The following EFCAB5 variants were observed in gnomAD, a reference collection of about 807,000 sequenced individuals.
The protein encoded by EFCAB5 is EF-hand calcium binding domain 5.
A neutral mutation model predicts 167.9 loss-of-function variants in EFCAB5; 131 were observed. The observed-to-expected ratio is 0.78, with a 90% CI of 0.68 to 0.90. The LOEUF (loss-of-function observed/expected upper bound fraction) is 0.90. Ranked by LOEUF, EFCAB5 falls within the 40% of genes least tolerant of loss-of-function variation. The probability of loss-of-function intolerance (pLI) is 0.00; values close to 1 mark genes in which losing one functional copy is unlikely to be tolerated. For synonymous variants in EFCAB5, 574 were observed against 602.8 expected, an observed-to-expected ratio of 0.95 and a Z score of 0.70; for missense variants, 1,663 against 1,745.2, an observed-to-expected ratio of 0.95 and a Z score of 0.84.
rs751988767 is a variant in EFCAB5, at chr17:30,059,616, T to G, written c.2652T>G (p.Asp884Glu). The change falls in exon 14 of 23, where the codon GAT (aspartate) becomes GAG (glutamate). Residue 884 changes from aspartate to glutamate, a missense_variant. Transcript: ENST00000394835. ...CCATCTTTCAGAAGTGGGACAGTGATGGCTCAGGCTTCCTGGATCTGAAGG... is the reference window on the plus strand; with the variant it reads ...CCATCTTTCAGAAGTGGGACAGTGAGGGCTCAGGCTTCCTGGATCTGAAGG... ...LEAIFQKWDS[D>E]GSGFLDLKEV... 1.7e-5 allele frequency: 27 copies of G among 1,612,376 alleles called. No homozygotes were observed. The highest frequency in any genetic ancestry group is 2.3e-5 in the Non-Finnish European group (27 of 1,178,764).
intron 7 of EFCAB5, among the ~76,000 whole-genome samples, chr17:30,005,172 T>C (rs1218609445): frequency 3.3e-5 from 5 of 152,158 alleles, no homozygotes; most frequent in African/African-American, 7.2e-5. Flanking sequence ...CAGCAATGCA[T>C]GATGGCTCTC....
chr17:30,069,776 AG>A (rs2070682424), intron 14 of EFCAB5: 3 of 660,870 alleles, frequency 4.5e-6, no homozygotes, highest in Non-Finnish European at 7.8e-6. Flanking sequence ...TTTAAGAGAA[AG>A]GGGTTCAGAC....
rs2067465792 is a variant in EFCAB5, at chr17:29,949,476, G to A, written c.190+5827G>A. Among the ~76,000 whole-genome samples, 4 of 152,218 alleles carry A rather than the reference G, an allele frequency of 2.6e-5. No individual in the cohort carries two copies. The South Asian group carries it at 8.3e-4, about 31-fold the overall frequency. Reference sequence around the variant, plus strand: ...AAAGAATTCCAGTGCCTGGCACGCAGTGAGAAATTAATAGTTATTTATTGA... The same window carrying A: ...AAAGAATTCCAGTGCCTGGCACGCAATGAGAAATTAATAGTTATTTATTGA... On this transcript the variant is annotated intron_variant, in intron 3 of 22. Coordinates refer to ENST00000394835, the MANE Select transcript of EFCAB5 (RefSeq NM_198529.4).
At position 29,957,039 on chromosome 17, in the gene EFCAB5, G is replaced by A. The variant is rs114370711; in HGVS notation, c.191-11752G>A. On this transcript the variant is annotated intron_variant, in intron 3 of 22. Coordinates refer to ENST00000394835, the MANE Select transcript of EFCAB5 (RefSeq NM_198529.4). ...CCTTATTTTGCTCCAGATTTTAGAGGAAAAGCTGTCATTTTTTTTCCATTC... is the reference window on the plus strand; with the variant it reads ...CCTTATTTTGCTCCAGATTTTAGAGAAAAAGCTGTCATTTTTTTTCCATTC... 4.3e-3 allele frequency among the ~76,000 whole-genome samples: 649 copies of A among 152,222 alleles called. 3 individuals are homozygous for A. Among genetic ancestry groups the A allele is most frequent in the African/African-American group, 0.014 (598 of 41,538 alleles).
chr17:30,057,986 T>C, intron 13 of EFCAB5, 96 bp downstream of exon 13: 2 of 1,093,166 alleles, frequency 1.8e-6, no homozygotes, highest in Admixed American at 2.4e-5. Context: ...TGTTAAAAAA[T>C]GTACAACCAA....
At chr17:29,982,397 A>G (rs534420124) in intron 4 of EFCAB5, among the ~76,000 whole-genome samples, 18 of 152,188 alleles carry the variant, frequency 1.2e-4, no homozygotes, top group Non-Finnish European at 1.8e-4. Context: ...TCTCAAAAAA[A>G]AAAGAAAGAA....
intron 16 of EFCAB5, among the ~76,000 whole-genome samples, chr17:30,080,457 G>A (rs964440851): frequency 3.3e-5 from 5 of 152,006 alleles, no homozygotes; most frequent in South Asian, 2.1e-4. Context: ...GGGACTCTGC[G>A]TCACAATATC....
intron 3 of EFCAB5, among the ~76,000 whole-genome samples, chr17:29,960,225 G>A (rs545593456): frequency 1.3e-5 from 2 of 152,244 alleles, no homozygotes; most frequent in South Asian, 2.1e-4. Flanking sequence ...GGTGGTATAC[G>A]CATTTCAAGA....
Position 29,993,337 on chromosome 17 carries a change from G to C in EFCAB5, c.924+16G>C. 6.2e-7 allele frequency: 1 copy of C among 1,604,870 alleles called. No homozygotes were observed. The highest frequency in any genetic ancestry group is 1.1e-5 in the South Asian group (1 of 89,616). On this transcript the variant is annotated intron_variant, in intron 5 of 22. Transcript: ENST00000394835. ...TAAGTCAGTGGTAAGAAAATTGGGG[G>C]TATATGTGAAAGGTAGGTGGGGTAA...
intron 12 of EFCAB5, 79 bp downstream of exon 12, chr17:30,056,235 G>C (rs1233316715): frequency 1.1e-5 from 15 of 1,350,010 alleles, no homozygotes; most frequent in African/African-American, 1.5e-5. Flanking sequence ...CGATGATAAA[G>C]ACTGAATTTA....
intron 19 of EFCAB5, among the ~76,000 whole-genome samples, chr17:30,088,789 T>C (rs1046955095): frequency 6.6e-6 from 1 of 152,254 alleles, no homozygotes; most frequent in Non-Finnish European, 1.5e-5. Context: ...CAACATTTAA[T>C]TACATATGTC....
At chr17:29,994,181 A>C (rs1179014844) in intron 5 of EFCAB5, among the ~76,000 whole-genome samples, 2 of 111,444 alleles carry the variant, frequency 1.8e-5, no homozygotes, top group Non-Finnish European at 4.0e-5. Flanking sequence ...TATATATGTG[A>C]TATATATATC....
chr17:29,999,425 G>A (rs1265486687), intron 6 of EFCAB5, among the ~76,000 whole-genome samples: 1 of 152,048 alleles, frequency 6.6e-6, no homozygotes, highest in Non-Finnish European at 1.5e-5. Context: ...CTGATGGGAG[G>A]TAGAGAAAAA....
chr17:30,042,338 AC>A (rs915918238), intron 8 of EFCAB5, among the ~76,000 whole-genome samples: 2 of 152,048 alleles, frequency 1.3e-5, no homozygotes, highest in African/African-American at 2.4e-5. Flanking sequence ...GCACTAACAA[AC>A]CAAAGCGAAT....
intron 6 of EFCAB5, among the ~76,000 whole-genome samples, chr17:29,998,804 G>C (rs2068599268): frequency 1.3e-5 from 2 of 152,180 alleles, no homozygotes. Flanking sequence ...GAGGAAGCCA[G>C]TGTATAGTTC....
At chr17:30,056,426 G>T (rs2070269695) in intron 12 of EFCAB5, among the ~76,000 whole-genome samples, 1 of 152,056 alleles carries the variant, frequency 6.6e-6, no homozygotes, top group Non-Finnish European at 1.5e-5. Flanking sequence ...CCATGATATG[G>T]CCCTACCACT....
At chr17:29,944,855 T>G (rs1426224061) in intron 3 of EFCAB5, among the ~76,000 whole-genome samples, 1 of 152,100 alleles carries the variant, frequency 6.6e-6, no homozygotes, top group Non-Finnish European at 1.5e-5. Context: ...ACTCCCAACC[T>G]CAGGTGATCT....
intron 5 of EFCAB5, among the ~76,000 whole-genome samples, chr17:29,994,143 T>TC (rs2068487945): frequency 1.2e-5 from 1 of 84,690 alleles, no homozygotes; most frequent in Non-Finnish European, 2.4e-5. Flanking sequence ...AATATATATA[T>TC]ATATATATAT....
intron 14 of EFCAB5, chr17:30,069,702 C>T (rs2070679556): frequency 8.1e-7 from 1 of 1,235,740 alleles, no homozygotes; most frequent in Non-Finnish European, 1.2e-6. Flanking sequence ...CTCATGTACC[C>T]GCCGTAGTCT....
Sources: gnomAD v4.1 joint callset for allele counts (sites outside exome capture counted in the v4.1 genomes callset) on GRCh38, gnomAD v4.1.1 for gene constraint, MANE v1.5 for transcripts, NCBI Gene and HGNC (gene_info 2026-07-23, HGNC 2026-07-21) for gene names.